Variants in DLC1 observed in about 807,000 individuals in gnomAD.
The protein encoded by DLC1 is rho GTPase-activating protein 7.
In DLC1, 54 loss-of-function variants were observed where a neutral mutation model predicts 140.3. That is an observed-to-expected ratio of 0.38 (90% CI 0.31 to 0.48). DLC1 has a LOEUF of 0.48. DLC1 is among the 20% of genes least tolerant of loss of function. DLC1 has a pLI of 0.96. For synonymous variants in DLC1, 986 were observed against 728.1 expected (o/e 1.35, Z -5.70); for missense variants, 2,536 against 1,907.0 (o/e 1.33, Z -6.14).
intron 4 of DLC1, among the ~76,000 whole-genome samples, chr8:13,314,182 T>A (rs1832780840): frequency 6.6e-6 from 1 of 150,858 alleles, no homozygotes; most frequent in African/African-American, 2.4e-5. Context: ...ATTATTGAAA[T>A]ATATTCATAT....
intron 7 of DLC1, among the ~76,000 whole-genome samples, chr8:13,107,218 A>T (rs1041110967): frequency 5.3e-5 from 8 of 152,198 alleles, no homozygotes; most frequent in African/African-American, 1.9e-4. Context: ...ATTTAAGACT[A>T]TGTCATTGTT....
chr8:13,571,689 G>A (rs1471989031), intron 1 of DLC1, among the ~76,000 whole-genome samples: 2 of 152,162 alleles, frequency 1.3e-5, no homozygotes, highest in Admixed American at 6.5e-5. Context: ...GTATCTGTTT[G>A]TGCACCTGCT....
intron 5 of DLC1, among the ~76,000 whole-genome samples, chr8:13,160,709 A>G (rs1193179563): frequency 6.6e-6 from 1 of 152,222 alleles, no homozygotes; most frequent in Admixed American, 6.5e-5. Context: ...TAGGGACGGC[A>G]GGGAGCAGGT....
At chr8:13,540,896 G>A (rs1052098394) in intron 1 of DLC1, among the ~76,000 whole-genome samples, 3 of 152,170 alleles carry the variant, frequency 2.0e-5, no homozygotes, top group Non-Finnish European at 2.9e-5. Flanking sequence ...CAAAATTCGT[G>A]CTACTAGTTT....
At chr8:13,422,929 T>A (rs1452129723) in intron 2 of DLC1, among the ~76,000 whole-genome samples, 1 of 152,092 alleles carries the variant, frequency 6.6e-6, no homozygotes, top group East Asian at 1.9e-4. Context: ...AGCCTTGAAT[T>A]TGAGTAAAAT....
intron 4 of DLC1, among the ~76,000 whole-genome samples, chr8:13,347,070 A>T (rs1248862418): frequency 6.6e-6 from 1 of 152,210 alleles, no homozygotes; most frequent in Non-Finnish European, 1.5e-5. Flanking sequence ...AAACTTTATC[A>T]TATGATGTAT....
chr8:13,304,162 C>T (rs1372372315), intron 5 of DLC1, among the ~76,000 whole-genome samples: 1 of 152,094 alleles, frequency 6.6e-6, no homozygotes, highest in Non-Finnish European at 1.5e-5. Context: ...TATATTGATG[C>T]AAAAATAATT....
intron 5 of DLC1, among the ~76,000 whole-genome samples, chr8:13,292,025 C>T (rs962288595): frequency 4.0e-5 from 6 of 150,180 alleles, no homozygotes; most frequent in Non-Finnish European, 7.4e-5. Flanking sequence ...TGTAATCTAA[C>T]GAAACTGACT....
chr8:13,520,232 A>G (rs1208826133), intron 1 of DLC1, among the ~76,000 whole-genome samples: 1 of 152,272 alleles, frequency 6.6e-6, no homozygotes, highest in Non-Finnish European at 1.5e-5. Context: ...CCAAATGTCC[A>G]TCAGTGATAG....
intron 1 of DLC1, among the ~76,000 whole-genome samples, chr8:13,538,434 C>T (rs1221835162): frequency 6.6e-6 from 1 of 151,502 alleles, no homozygotes; most frequent in African/African-American, 2.4e-5. Context: ...CAGATGGTGT[C>T]AACAACAGCT....
chr8:13,459,182 C>G (rs116062078), intron 2 of DLC1, among the ~76,000 whole-genome samples: 1,685 of 152,174 alleles, frequency 0.011, 31 homozygotes, highest in African/African-American at 0.039. Flanking sequence ...TTGAAAGTTC[C>G]TTTTTTTCTT....
intron 1 of DLC1, among the ~76,000 whole-genome samples, chr8:13,513,855 G>A (rs560869312): frequency 6.6e-6 from 1 of 152,152 alleles, no homozygotes; most frequent in Admixed American, 6.6e-5. Flanking sequence ...GAGTTATAAT[G>A]AGTGTCAGTG....
intron 2 of DLC1, among the ~76,000 whole-genome samples, chr8:13,443,337 A>C (rs1386618072): frequency 1.0e-5 from 1 of 97,694 alleles, no homozygotes; most frequent in Non-Finnish European, 1.9e-5. Flanking sequence ...TATGTACCCT[A>C]AAACTTAAAA....
At chr8:13,367,798 G>C (rs2117102892) in intron 4 of DLC1, among the ~76,000 whole-genome samples, 1 of 152,234 alleles carries the variant, frequency 6.6e-6, no homozygotes, top group Non-Finnish European at 1.5e-5. Context: ...CCAGCACCAG[G>C]GCAAGGAAGT....
At chr8:13,170,678 C>T (rs1350776183) in intron 5 of DLC1, among the ~76,000 whole-genome samples, 2 of 144,212 alleles carry the variant, frequency 1.4e-5, no homozygotes, top group Admixed American at 7.2e-5. Flanking sequence ...TGCAGTGAGC[C>T]GAGATCGCGC....
chr8:13,469,313 A>G (rs1394437227), intron 2 of DLC1, among the ~76,000 whole-genome samples: 1 of 152,208 alleles, frequency 6.6e-6, no homozygotes, highest in Non-Finnish European at 1.5e-5. Context: ...TATATATGCC[A>G]TTAAGATTGG....
intron 5 of DLC1, among the ~76,000 whole-genome samples, chr8:13,121,457 A>G (rs1293723624): frequency 6.6e-6 from 1 of 152,210 alleles, no homozygotes; most frequent in Non-Finnish European, 1.5e-5. Flanking sequence ...CACTGGGAGA[A>G]GCAAATCACG....
intron 1 of DLC1, among the ~76,000 whole-genome samples, chr8:13,506,581 G>GTGTGTGTGTGTATATATATATA (rs1246764417): frequency 1.1e-4 from 14 of 131,136 alleles, no homozygotes; most frequent in South Asian, 7.6e-4. Flanking sequence ...GTGTGTGTGT[G>GTGTGTGTGTGTATATATATATA]TATATATATA....
At chr8:13,207,534 A>ATT (rs1563164951) in intron 5 of DLC1, among the ~76,000 whole-genome samples, 1 of 152,228 alleles carries the variant, frequency 6.6e-6, no homozygotes, top group Non-Finnish European at 1.5e-5. Context: ...TATTCATTAT[A>ATT]ACATTTATAG....
Sources: allele counts gnomAD v4.1 joint callset (sites outside exome capture counted in the v4.1 genomes callset), GRCh38; gene constraint gnomAD v4.1.1; transcripts MANE v1.5; gene names NCBI Gene and HGNC (gene_info 2026-07-23, HGNC 2026-07-21).